Variants in ZNF827 observed in about 807,000 individuals in gnomAD.
The protein encoded by ZNF827 is zinc finger protein 827.
In ZNF827, 13 loss-of-function variants were observed where a neutral mutation model predicts 102.4. The ratio of observed to expected loss-of-function variants is 0.13; its 90% CI spans 0.08 to 0.20. The LOEUF is 0.20. Ranked by LOEUF, ZNF827 falls within the 10% of genes least tolerant of loss-of-function variation. ZNF827 has a pLI of 1.00. For missense variants in ZNF827, 1,103 were observed against 1,344.4 expected (o/e 0.82, Z 2.81); for synonymous variants, 523 against 536.2 (o/e 0.98, Z 0.34).
rs1579453060 is a variant in ZNF827 at position 145,878,607 on chromosome 4, A to AGGAC, written c.1747+7070_1747+7071insGTCC. Among the ~76,000 whole-genome samples the AGGAC allele has an allele frequency of 6.4e-3, 490 of 76,554 alleles. 1 individual carries two copies. The highest frequency in any genetic ancestry group is 8.8e-3 in the Non-Finnish European group (330 of 37,368). 50.2% of individuals were successfully genotyped at this position (76,554 alleles called of 152,430 possible). On this transcript the variant is annotated intron_variant, in intron 4 of 14. Coordinates refer to ENST00000508784, the MANE Select transcript of ZNF827 (RefSeq NM_001306215.2). ...CAGGACAGGACAGGACAGGACAGGAAAGGAAAGGAAAGGAAAGGAAAGGAA... is the reference window on the plus strand; with the variant it reads ...CAGGACAGGACAGGACAGGACAGGAAGGACAGGAAAGGAAAGGAAAGGAAAGGAA...
chr4:145,891,081 G>A (rs1750560236), intron 3 of ZNF827, among the ~76,000 whole-genome samples: 1 of 152,056 alleles, frequency 6.6e-6, no homozygotes, highest in African/African-American at 2.4e-5. Context: ...TACTTCTTAT[G>A]GTAGGAAAGT....
intron 3 of ZNF827, among the ~76,000 whole-genome samples, chr4:145,889,633 A>T (rs1320481932): frequency 6.7e-6 from 1 of 148,756 alleles, no homozygotes; most frequent in Admixed American, 6.8e-5. Context: ...GGCTCACTGC[A>T]AGCTCCGCCT....
rs940401778 is a variant in ZNF827, at chr4:145,760,149, C to T, written c.*1467G>A. On this transcript the variant is annotated 3_prime_UTR_variant, in exon 15 of 15. Coordinates refer to ENST00000508784, the MANE Select transcript of ZNF827 (RefSeq NM_001306215.2). ...CTGTAGATGGCTACCATTCCTTCATCGACTAAGCACCAGGCCCTACCACTC... is the reference window on the plus strand; with the variant it reads ...CTGTAGATGGCTACCATTCCTTCATTGACTAAGCACCAGGCCCTACCACTC... 4.6e-5 allele frequency: 7 copies of T among 152,192 alleles called. No homozygotes were observed. Among genetic ancestry groups the T allele is most frequent in the African/African-American group, 9.7e-5 (4 of 41,432 alleles). The allele number at this position is 152,192 out of a possible 1,614,324, so 9.4% of individuals were successfully genotyped here. A position where few individuals can be genotyped will look rare whatever the true frequency, so the allele number is the denominator to read the frequency against.
intron 1 of ZNF827, among the ~76,000 whole-genome samples, chr4:145,917,583 C>A (rs902090513): frequency 2.0e-5 from 3 of 150,828 alleles, no homozygotes; most frequent in African/African-American, 7.3e-5. Context: ...AACCCATGAA[C>A]TTTGGGGAAC....
chr4:145,828,008 G>A (rs1337591451), intron 7 of ZNF827, among the ~76,000 whole-genome samples: 5 of 152,212 alleles, frequency 3.3e-5, no homozygotes, highest in African/African-American at 7.2e-5. Context: ...CTGACACCTC[G>A]TTCATGCTGC....
intron 2 of ZNF827, among the ~76,000 whole-genome samples, chr4:145,896,065 T>C (rs1293582714): frequency 6.6e-6 from 1 of 152,150 alleles, no homozygotes; most frequent in African/African-American, 2.4e-5. Context: ...ATTCTCTTCA[T>C]AGGCAATAAT....
At position 145,761,696 on chromosome 4, in the gene ZNF827, A is replaced by C. The variant is rs1048492491; in HGVS notation, c.*18-98T>G. The C allele has an allele frequency of 1.1e-5, 8 of 760,144 alleles. No homozygotes were observed. The highest frequency in any genetic ancestry group is 9.4e-5 in the Admixed American group (3 of 31,938). The allele number at this position is 760,144 out of a possible 1,614,324, so 47.1% of individuals were successfully genotyped here. On this transcript the variant is annotated intron_variant, in intron 14 of 14. Transcript: ENST00000508784. The surrounding 1 kb of genome is among the most constrained non-coding windows in gnomAD (Gnocchi z 6.8). ...CCAGCCTTCCCTCACACCACCCCCC[A>C]GTGTCTGAGGCCTGGCCTGCCCAGC...
At position 145,765,783 on chromosome 4, in the gene ZNF827, C is replaced by T; in HGVS notation, c.2861-45G>A. The T allele has an allele frequency of 6.3e-7, 1 of 1,583,224 alleles. No individual in the cohort carries two copies. The highest frequency in any genetic ancestry group is 8.6e-7 in the Non-Finnish European group (1 of 1,162,524). ...CCCAGTCTGTTAATGAGATGAAAAT[C>T]CTCAGAATTATAGCAACTGAGGGTG... On this transcript the variant is annotated intron_variant, in intron 11 of 14. Coordinates refer to ENST00000508784, the MANE Select transcript of ZNF827 (RefSeq NM_001306215.2). This position sits in a 1 kb window ranked among gnomAD's most constrained non-coding sequence, Gnocchi z 4.7.
chr4:145,935,986 T>C (rs1205718240), intron 1 of ZNF827, among the ~76,000 whole-genome samples: 1 of 152,098 alleles, frequency 6.6e-6, no homozygotes, highest in Non-Finnish European at 1.5e-5. Context: ...ATTTTTTTTT[T>C]TAAAGCAGGG....
At chr4:145,877,790 C>T (rs1423414935) in intron 4 of ZNF827, among the ~76,000 whole-genome samples, 1 of 152,154 alleles carries the variant, frequency 6.6e-6, no homozygotes, top group Non-Finnish European at 1.5e-5. Flanking sequence ...GCAAAAGTTG[C>T]CATCTGCAGT....
rs960824945 is a variant in ZNF827, at chr4:145,762,804, T to A, written c.*17+286A>T. On this transcript the variant is annotated intron_variant, in intron 14 of 14. Transcript: ENST00000508784. This position sits in a 1 kb window ranked among gnomAD's most constrained non-coding sequence, Gnocchi z 4.9. The stretch of plus-strand genomic sequence containing the variant: ...GAGTCAGTGGCTTATATGAGAACTG[T>A]AGTGTGTTTGCTCTCTTTCCACAAA... Among the ~76,000 whole-genome samples, 2 of 152,166 alleles carry A rather than the reference T, an allele frequency of 1.3e-5. No homozygotes were observed. Among genetic ancestry groups the A allele is most frequent in the African/African-American group, 2.4e-5 (1 of 41,430 alleles).
intron 7 of ZNF827, among the ~76,000 whole-genome samples, chr4:145,833,446 A>G (rs150273752): frequency 0.041 from 6,275 of 152,138 alleles, 398 homozygotes; most frequent in African/African-American, 0.14. Context: ...CGCCTGCCTT[A>G]GTCCTTCACC....
chr4:145,761,520 G>A lies in ZNF827; in HGVS notation c.*96C>T. 7.8e-7 allele frequency: 1 copy of A among 1,289,752 alleles called. No individual in the cohort carries two copies. The allele number at this position is 1,289,752 out of a possible 1,614,324, so 79.9% of individuals were successfully genotyped here. ...TCACCGTCTGGCAGATCCGGCACTTGTACTCCATCTTGTAGTGGGTCTTGA... is the reference window on the plus strand; with the variant it reads ...TCACCGTCTGGCAGATCCGGCACTTATACTCCATCTTGTAGTGGGTCTTGA... On this transcript the variant is annotated 3_prime_UTR_variant, in exon 15 of 15. Coordinates refer to ENST00000508784, the MANE Select transcript of ZNF827 (RefSeq NM_001306215.2). The surrounding 1 kb of genome is among the most constrained non-coding windows in gnomAD (Gnocchi z 6.8).
In ZNF827 at chr4:145,765,009, G is replaced by A. The variant is rs746225300; in HGVS notation, c.3209C>T (p.Thr1070Ile). Residue 1070 changes from threonine (T) to isoleucine (I), a missense_variant, in exon 13 of 15, where the codon ACT (threonine) becomes ATT (isoleucine). By Grantham distance (89) the Thr-to-Ile change is moderately conservative. Coordinates refer to ENST00000508784, the MANE Select transcript of ZNF827 (RefSeq NM_001306215.2). This position sits in a 1 kb window ranked among gnomAD's most constrained non-coding sequence, Gnocchi z 4.7. ...TTACTTGAGCCCACCGGTGGGGACA[G>A]TGTGGCATTTCTTATGCTCCAGCAG... ...EQLLEHKKCH[T>I]VPTGGLNSGQ... 2.5e-6 allele frequency: 4 copies of A among 1,613,908 alleles called. No individual in the cohort carries two copies. The highest frequency in any genetic ancestry group is 1.1e-5 in the South Asian group (1 of 91,008).
At chr4:145,914,512 A>G (rs929531219) in intron 1 of ZNF827, among the ~76,000 whole-genome samples, 13 of 152,372 alleles carry the variant, frequency 8.5e-5, no homozygotes, top group African/African-American at 3.1e-4. Flanking sequence ...CTTTACTCCT[A>G]CTAGGCTTTG....
At position 145,757,684 on chromosome 4, in the gene ZNF827, A is replaced by G. The variant is rs899164094; in HGVS notation, c.*3932T>C. 1 of 151,946 alleles carries G rather than the reference A, an allele frequency of 6.6e-6. No individual in the cohort carries two copies. Among genetic ancestry groups the G allele is most frequent in the Admixed American group, 6.6e-5 (1 of 15,260 alleles). The allele number at this position is 151,946 out of a possible 1,614,324, so 9.4% of individuals were successfully genotyped here. ...TATATTATACTTTCAAACTGGATAC[A>G]CTAGAAATTGGCAATGCAACATAAG... On this transcript the variant is annotated 3_prime_UTR_variant, in exon 15 of 15. Coordinates refer to ENST00000508784, the MANE Select transcript of ZNF827 (RefSeq NM_001306215.2).
At chr4:145,847,118 C>T (rs1746061381) in intron 6 of ZNF827, among the ~76,000 whole-genome samples, 1 of 151,862 alleles carries the variant, frequency 6.6e-6, no homozygotes, top group African/African-American at 2.4e-5. Context: ...TGTGCCACTG[C>T]ACTCCAGCCT....
Position 145,870,493 on chromosome 4 carries a change from A to G in ZNF827, c.1748-15T>C, listed in dbSNP as rs146428992. On this transcript the variant is annotated splice_polypyrimidine_tract_variant and intron_variant, in intron 4 of 14. Coordinates refer to ENST00000508784, the MANE Select transcript of ZNF827 (RefSeq NM_001306215.2). ...CTGATTTGCAGCTGTCAAAAGAAAA[A>G]AAGGGATTATATATACATAAAAGGC... is the stretch of plus-strand genomic sequence containing the variant. The G allele has an allele frequency of 1.1e-4, 179 of 1,612,136 alleles. No individual in the cohort carries two copies. In the African/African-American group the frequency reaches 2.1e-3, roughly 19 times the overall value.
chr4:145,784,674 T>G (rs1000254751), intron 8 of ZNF827, among the ~76,000 whole-genome samples: 5 of 152,252 alleles, frequency 3.3e-5, no homozygotes, highest in Admixed American at 6.5e-5. Flanking sequence ...CAATAACTGC[T>G]TTTAAGTTAG....
Sources: gnomAD v4.1 joint callset for allele counts (sites outside exome capture counted in the v4.1 genomes callset) on GRCh38, gnomAD v4.1.1 for gene constraint, Gnocchi (gnomAD v3.1) non-coding constraint, MANE v1.5 for transcripts, NCBI Gene and HGNC (gene_info 2026-07-23, HGNC 2026-07-21) for gene names.